DCLK2: variants seen among roughly 807,000 people sequenced by gnomAD.
DCLK2 encodes serine/threonine-protein kinase DCLK2.
Under a neutral mutation model 78.4 loss-of-function variants are expected in DCLK2, and 31 were observed. The observed-to-expected ratio is 0.40, with a 90% CI of 0.30 to 0.53. The LOEUF is 0.53. Among genes scored for constraint, DCLK2 ranks in the 20% least tolerant of loss-of-function variants. DCLK2 has a pLI of 0.61. For missense variants in DCLK2, 872 were observed against 973.7 expected (o/e 0.90, Z 1.39); for synonymous variants, 407 against 374.9 (o/e 1.09, Z -0.99).
chr4:150,132,453 T>C (rs1383976387), intron 2 of DCLK2, among the ~76,000 whole-genome samples: 2 of 152,248 alleles, frequency 1.3e-5, no homozygotes, highest in African/African-American at 2.4e-5. Flanking sequence ...TAGAGAGCTT[T>C]CAATGCCAGG....
At chr4:150,248,470 A>G (rs1383828327) in intron 14 of DCLK2, 85 bp downstream of exon 14, 1 of 1,109,090 alleles carries the variant, frequency 9.0e-7, no homozygotes, top group Non-Finnish European at 1.4e-6. Flanking sequence ...TTGCACATGC[A>G]AAAGTTATGC....
intron 2 of DCLK2, among the ~76,000 whole-genome samples, chr4:150,185,369 CAAGAT>C (rs1737846846): frequency 6.6e-6 from 1 of 152,014 alleles, no homozygotes; most frequent in Non-Finnish European, 1.5e-5. Context: ...GATTACAATT[CAAGAT>C]GAGATTTGGG....
intron 2 of DCLK2, among the ~76,000 whole-genome samples, chr4:150,112,681 C>A (rs939555677): frequency 6.6e-6 from 1 of 151,790 alleles, no homozygotes; most frequent in South Asian, 2.1e-4. Context: ...TTTTCTGCAT[C>A]GATTGAGATG....
intron 5 of DCLK2, among the ~76,000 whole-genome samples, chr4:150,211,808 C>A (rs1740342072): frequency 6.6e-6 from 1 of 152,028 alleles, no homozygotes; most frequent in South Asian, 2.1e-4. Context: ...TCTGCTTGAC[C>A]CCAACCTATG....
chr4:150,231,463 C>A (rs551291717), intron 8 of DCLK2, among the ~76,000 whole-genome samples: 2 of 152,212 alleles, frequency 1.3e-5, no homozygotes, highest in South Asian at 4.2e-4. Context: ...AGCTATTGTC[C>A]AAAAGGGTGA....
At chr4:150,176,932 A>G (rs1201007444) in intron 2 of DCLK2, among the ~76,000 whole-genome samples, 1 of 152,204 alleles carries the variant, frequency 6.6e-6, no homozygotes, top group African/African-American at 2.4e-5. Flanking sequence ...TGACACCCCT[A>G]GAGATTTGCA....
intron 2 of DCLK2, among the ~76,000 whole-genome samples, chr4:150,182,886 A>G (rs1160108698): frequency 6.6e-6 from 1 of 152,146 alleles, no homozygotes; most frequent in Non-Finnish European, 1.5e-5. Flanking sequence ...AACTACTCTT[A>G]GATAGAGACA....
intron 4 of DCLK2, chr4:150,198,923 C>CCTTTT: frequency 2.1e-6 from 1 of 477,806 alleles, no homozygotes; most frequent in Non-Finnish European, 3.5e-6. Context: ...CCCCCCCCCA[C>CCTTTT]TTTCTGTAGG....
chr4:150,244,831 G>A (rs1460669489), intron 12 of DCLK2, among the ~76,000 whole-genome samples: 1 of 152,234 alleles, frequency 6.6e-6, no homozygotes, highest in African/African-American at 2.4e-5. Context: ...CTGTGGTTTT[G>A]TTTGTTGACT....
chr4:150,250,761 C>T (rs1580801517), intron 15 of DCLK2, among the ~76,000 whole-genome samples: 1 of 151,528 alleles, frequency 6.6e-6, no homozygotes, highest in South Asian at 2.1e-4. Flanking sequence ...GAAACAGTGG[C>T]ATATTCTCAT....
chr4:150,113,428 C>G (rs1731845802), intron 2 of DCLK2, among the ~76,000 whole-genome samples: 1 of 146,056 alleles, frequency 6.8e-6, no homozygotes, highest in Admixed American at 6.9e-5. Context: ...AGTCTCACTA[C>G]TAGTTACTGG....
At chr4:150,191,578 C>A (rs527760573) in intron 2 of DCLK2, among the ~76,000 whole-genome samples, 2 of 152,204 alleles carry the variant, frequency 1.3e-5, no homozygotes, top group Admixed American at 6.5e-5. Context: ...CTAACACCAA[C>A]GGAGATAGAA....
At chr4:150,187,796 A>G (rs1020483276) in intron 2 of DCLK2, among the ~76,000 whole-genome samples, 5 of 121,012 alleles carry the variant, frequency 4.1e-5, no homozygotes, top group African/African-American at 1.3e-4. Context: ...TTTGTTTCTC[A>G]GTTGTACTTT....
chr4:150,213,259 A>G (rs189930494), intron 5 of DCLK2, among the ~76,000 whole-genome samples: 257 of 152,346 alleles, frequency 1.7e-3, no homozygotes, highest in African/African-American at 6.0e-3. Context: ...AGCCATATTC[A>G]TGTTCAGGCA....
At chr4:150,157,843 G>A (rs1246334563) in intron 2 of DCLK2, among the ~76,000 whole-genome samples, 1 of 152,116 alleles carries the variant, frequency 6.6e-6, no homozygotes, top group African/African-American at 2.4e-5. Flanking sequence ...TTCCGGACTG[G>A]TCTTGAACTC....
chr4:150,240,771 A>AC (rs1046716347), intron 12 of DCLK2, among the ~76,000 whole-genome samples: 1 of 102,292 alleles, frequency 9.8e-6, no homozygotes, highest in African/African-American at 3.6e-5. Flanking sequence ...AAGAAAAAGA[A>AC]AAAAAAAAAT....
At chr4:150,230,584 C>T (rs1741966856) in intron 8 of DCLK2, among the ~76,000 whole-genome samples, 1 of 152,174 alleles carries the variant, frequency 6.6e-6, no homozygotes, top group Admixed American at 6.5e-5. Context: ...GATGTGCTTG[C>T]TTATACATGT....
At chr4:150,203,733 A>C in intron 4 of DCLK2, 62 bp from the exon 5 acceptor site, 1 of 1,367,352 alleles carries the variant, frequency 7.3e-7, no homozygotes, top group Non-Finnish European at 1.0e-6. Flanking sequence ...TAGTGTATTT[A>C]TACAGTCTGG....
intron 2 of DCLK2, among the ~76,000 whole-genome samples, chr4:150,170,540 G>A (rs1339067045): frequency 3.3e-5 from 5 of 152,180 alleles, no homozygotes; most frequent in Admixed American, 1.3e-4. Context: ...GGGGAAACGA[G>A]GAGGATATAC....
Sources: gnomAD v4.1 joint callset for allele counts (sites outside exome capture counted in the v4.1 genomes callset) on GRCh38, gnomAD v4.1.1 for gene constraint, MANE v1.5 for transcripts, NCBI Gene and HGNC (gene_info 2026-07-23, HGNC 2026-07-21) for gene names.